Variants in SYDE2 observed in about 807,000 individuals in gnomAD.
SYDE2 encodes the protein rho GTPase-activating protein SYDE2.
SYDE2 carries 76 observed loss-of-function variants against 91.5 expected under a neutral mutation model. The observed-to-expected ratio is 0.83, with a 90% confidence interval of 0.69 to 1.01. The LOEUF is 1.01. SYDE2 is among the 50% of genes least tolerant of loss of function. The pLI, the probability that SYDE2 is intolerant of heterozygous loss-of-function variation, is 0.00. For missense variants in SYDE2, 1,364 were observed against 1,367.7 expected (o/e 1.00, Z 0.04); for synonymous variants, 513 against 506.4 (o/e 1.01, Z -0.18).
chr1:85,182,758 T>C lies in SYDE2; in HGVS notation c.1884A>G (p.Glu628=). 6.2e-7 allele frequency: 1 copy of C among 1,613,938 alleles called. No homozygotes were observed. The highest frequency in any genetic ancestry group is 8.5e-7 in the Non-Finnish European group (1 of 1,179,854). The change falls in exon 3 of 7, where the codon GAA becomes GAG. Residue 628 remains glutamate, a synonymous_variant. Transcript: ENST00000341460. ...GGYLSDGDSP[E]LTTKASKHGS... ...CATGTTTGCTAGCTTTAGTTGTAAG[T>C]TCAGGTGAGTCTCCATCACTAAGGT...
Position 85,185,442 on chromosome 1 carries a change from A to C in SYDE2, c.1442-2242T>G, listed in dbSNP as rs184599076. On this transcript the variant is annotated intron_variant, in intron 2 of 6. Transcript: ENST00000341460. The stretch of plus-strand genomic sequence containing the variant: ...TGATTCTTCCTACCCATGAGCATGG[A>C]ATGTTCTTCCATTTCTTTGTATCCT... 2.6e-5 allele frequency among the ~76,000 whole-genome samples: 4 copies of C among 151,750 alleles called. No homozygotes were observed. The East Asian group carries it at 7.7e-4, about 29-fold the overall frequency.
rs1365382984 is a variant in SYDE2, at chr1:85,158,458, A to C, written c.*292T>G. On this transcript the variant is annotated 3_prime_UTR_variant, in exon 7 of 7. Transcript: ENST00000341460. Reference sequence around the variant, plus strand: ...AGCAGAAAAACCTTGAGGGGCTAATAACTTATGTGAACCTTCTTAAGTGCA... The same window carrying C: ...AGCAGAAAAACCTTGAGGGGCTAATCACTTATGTGAACCTTCTTAAGTGCA... The C allele has an allele frequency of 2.6e-5, 7 of 273,332 alleles. No homozygotes were observed. Among genetic ancestry groups the C allele is most frequent in the Non-Finnish European group, 4.7e-5 (7 of 149,328 alleles). The allele number at this position is 273,332 out of a possible 1,614,324, so 16.9% of individuals were successfully genotyped here.
At chr1:85,195,677 G>A (rs976452191) in intron 1 of SYDE2, among the ~76,000 whole-genome samples, 2 of 152,082 alleles carry the variant, frequency 1.3e-5, no homozygotes, top group South Asian at 2.1e-4. Context: ...AAAGAAAGGA[G>A]CACAAAAGAT....
At position 85,190,323 on chromosome 1, in the gene SYDE2, G is replaced by T. The variant is rs750249573; in HGVS notation, c.1175C>A (p.Ala392Asp). Reference sequence around the variant, plus strand: ...AGGGAGCTTCAGAACAGCAGAGTCGGCCTCACCAAAACTCAAGGCACTTGA... The same window carrying T: ...AGGGAGCTTCAGAACAGCAGAGTCGTCCTCACCAAAACTCAAGGCACTTGA... Reference protein sequence around the residue: ...GISSALSFGEADSAVLKLPAV... With the variant: ...GISSALSFGEDDSAVLKLPAV... The change falls in exon 2 of 7, where the codon GCC (alanine) becomes GAC (aspartate). Residue 392 changes from alanine (A) to aspartate (D), a missense_variant. Coordinates refer to ENST00000341460, the MANE Select transcript of SYDE2 (RefSeq NM_032184.2). 1 of 1,613,864 alleles carries T rather than the reference G, an allele frequency of 6.2e-7. No homozygotes were observed. Among genetic ancestry groups the T allele is most frequent in the Non-Finnish European group, 8.5e-7 (1 of 1,179,884 alleles).
At chr1:85,172,509 G>A (rs897029500) in intron 4 of SYDE2, among the ~76,000 whole-genome samples, 1 of 152,192 alleles carries the variant, frequency 6.6e-6, no homozygotes. Context: ...AGTGTTTCTA[G>A]GCAAGATGGA....
intron 1 of SYDE2, 51 bp downstream of exon 1, chr1:85,200,201 G>T: frequency 6.2e-7 from 1 of 1,611,116 alleles, no homozygotes; most frequent in Non-Finnish European, 8.5e-7. Context: ...AAGCCCAGTC[G>T]GTAAACAGTA....
chr1:85,198,681 A>G (rs1658693306), intron 1 of SYDE2, among the ~76,000 whole-genome samples: 1 of 152,226 alleles, frequency 6.6e-6, no homozygotes, highest in Non-Finnish European at 1.5e-5. Flanking sequence ...AATGTTTACT[A>G]CTGAGGGCAT....
chr1:85,180,854 A>G (rs1029601933), intron 3 of SYDE2, among the ~76,000 whole-genome samples: 2 of 152,210 alleles, frequency 1.3e-5, no homozygotes, highest in Non-Finnish European at 2.9e-5. Context: ...ATATTCAACT[A>G]TAAAAGTTTG....
rs376527151 is a variant in SYDE2, at chr1:85,182,582, T to A, written c.2060A>T (p.Tyr687Phe). 1.2e-6 allele frequency: 2 copies of A among 1,613,942 alleles called. No individual in the cohort carries two copies. Among genetic ancestry groups the A allele is most frequent in the South Asian group, 1.1e-5 (1 of 91,078 alleles). ...YISGLMSVHF[Y>F]GAEDLKPPRI... ...AGGTGGTTTTAAATCCTCAGCACCA[T>A]AGAAATGTACACTCATGAGCCCAGA... Residue 687 changes from tyrosine (Y) to phenylalanine (F), a missense_variant, in exon 3 of 7, where the codon TAT becomes TTT. By Grantham distance (22) the Tyr-to-Phe change is conservative. Transcript: ENST00000341460.
Position 85,164,645 on chromosome 1 carries a change from T to C in SYDE2, c.2966A>G (p.Gln989Arg). 5 of 1,595,278 alleles carry C rather than the reference T, an allele frequency of 3.1e-6. No individual in the cohort carries two copies. Among genetic ancestry groups the C allele is most frequent in the Non-Finnish European group, 3.4e-6 (4 of 1,169,772 alleles). Residue 989 changes from glutamine to arginine, a missense_variant, in exon 6 of 7, where the codon CAG (glutamine) becomes CGG (arginine). Coordinates refer to ENST00000341460, the MANE Select transcript of SYDE2 (RefSeq NM_032184.2). ...AVCFGPVLLS[Q>R]RQEPSTHNNR... Reference sequence around the variant, plus strand: ...GTTATGGGTGGAAGGCTCTTGCCTCTGACTTAATAATACTGGTCCAAAGCA... The same window carrying C: ...GTTATGGGTGGAAGGCTCTTGCCTCCGACTTAATAATACTGGTCCAAAGCA...
At chr1:85,186,086 G>A (rs1176407834) in intron 2 of SYDE2, among the ~76,000 whole-genome samples, 1 of 151,672 alleles carries the variant, frequency 6.6e-6, no homozygotes, top group Non-Finnish European at 1.5e-5. Context: ...CTGTTTATAT[G>A]CTGGATTACA....
At chr1:85,196,175 T>A (rs2100695326) in intron 1 of SYDE2, among the ~76,000 whole-genome samples, 1 of 152,306 alleles carries the variant, frequency 6.6e-6, no homozygotes, top group Admixed American at 6.5e-5. Context: ...AGAGCCCAAG[T>A]GCTTTGCTCT....
At position 85,194,861 on chromosome 1, in the gene SYDE2, T is replaced by C. The variant is rs1050779851; in HGVS notation, c.746-4109A>G. On this transcript the variant is annotated intron_variant, in intron 1 of 6. Transcript: ENST00000341460. ...AAGAAATTATATATTTCAACCCTCA[T>C]TGAAAATCTGTAGTACCGGCTGGGC... The C allele has an allele frequency of 1.4e-5, 14 of 985,212 alleles. 1 individual carries two copies. Among genetic ancestry groups the C allele is most frequent in the Non-Finnish European group, 1.6e-5 (13 of 829,832 alleles). The allele number at this position is 985,212 out of a possible 1,614,324, so 61.0% of individuals were successfully genotyped here. A position where few individuals can be genotyped will look rare whatever the true frequency, so the allele number is the denominator to read the frequency against.
In SYDE2 at chr1:85,186,655, A is replaced by G. The variant is rs368479484; in HGVS notation, c.1441+3402T>C. Among the ~76,000 whole-genome samples the G allele has an allele frequency of 1.1e-4, 16 of 152,102 alleles. No homozygotes were observed. In the East Asian group the frequency reaches 2.1e-3, roughly 20 times the overall value. On this transcript the variant is annotated intron_variant, in intron 2 of 6. Coordinates refer to ENST00000341460, the MANE Select transcript of SYDE2 (RefSeq NM_032184.2). The stretch of plus-strand genomic sequence containing the variant: ...GTAACCAAAACAGCATGGTACTGGT[A>G]CCAAAACAGAGATATAGATCAATGG...
chr1:85,200,825 G>C lies in SYDE2; in HGVS notation c.172C>G (p.Gln58Glu), dbSNP rs1218493450. The part of the protein sequence containing the change: ...ERGGGGRPRQ[Q>E]VSPPRSPQRE... ...TGAGGCGACCGGGGCGGGGACACCT[G>C]CTGCCGAGGGCGTCCGCCGCCTCCC... The change falls in exon 1 of 7, where the codon CAG (glutamine) becomes GAG (glutamate). Residue 58 changes from glutamine to glutamate, a missense_variant. Physicochemically the swap from Gln to Glu is conservative, Grantham distance 29 (BLOSUM62 2). Transcript: ENST00000341460. 1.8e-5 allele frequency: 25 copies of C among 1,407,354 alleles called. No individual in the cohort carries two copies. The highest frequency in any genetic ancestry group is 3.0e-5 in the African/African-American group (2 of 65,848). The allele number at this position is 1,407,354 out of a possible 1,614,324, so 87.2% of individuals were successfully genotyped here.
chr1:85,182,446 G>C lies in SYDE2; in HGVS notation c.2196C>G (p.Phe732Leu). The change falls in exon 3 of 7, where the codon TTC becomes TTG. Residue 732 changes from phenylalanine (F) to leucine (L), a missense_variant. By Grantham distance (22) the Phe-to-Leu change is conservative. Coordinates refer to ENST00000341460, the MANE Select transcript of SYDE2 (RefSeq NM_032184.2). ...RTTFLDMDHT[F>L]NIEIENAQHL... ...GTTGTGCATTTTCAATTTCTATGTT[G>C]AAAGTGTGATCCATGTCTAAAAATG... is the stretch of plus-strand genomic sequence containing the variant. The C allele has an allele frequency of 6.2e-7, 1 of 1,613,508 alleles. No individual in the cohort carries two copies. Among genetic ancestry groups the C allele is most frequent in the Non-Finnish European group, 8.5e-7 (1 of 1,179,652 alleles).
In SYDE2 at chr1:85,168,926, A is replaced by C; in HGVS notation, c.2853+118T>G. The C allele has an allele frequency of 9.1e-6, 8 of 874,646 alleles. No homozygotes were observed. In the South Asian group the frequency reaches 1.2e-4, roughly 13 times the overall value. 54.2% of individuals were successfully genotyped at this position (874,646 alleles called of 1,614,324 possible). A position where few individuals can be genotyped will look rare whatever the true frequency, so the allele number is the denominator to read the frequency against. On this transcript the variant is annotated intron_variant, in intron 5 of 6. Transcript: ENST00000341460. ...GGCTGTTTAAAGGCAGTAATGGCAG[A>C]GCTTTTAAATCCATGAGTGCCACAA...
Position 85,200,517 on chromosome 1 carries a change from A to G in SYDE2, c.480T>C (p.Asp160=). The part of the protein sequence containing the change: ...HGCSSGSPFR[D]PAGSSVIRSG... ...TGCGTATCACAGAGGACCCCGCTGGATCCCTGAAAGGGCTTCCCGAGGAGC... is the reference window on the plus strand; with the variant it reads ...TGCGTATCACAGAGGACCCCGCTGGGTCCCTGAAAGGGCTTCCCGAGGAGC... Residue 160 remains aspartate (D), a synonymous_variant, in exon 1 of 7, where the codon GAT becomes GAC. Transcript: ENST00000341460. The G allele has an allele frequency of 6.2e-7, 1 of 1,613,482 alleles. No individual in the cohort carries two copies. Among genetic ancestry groups the G allele is most frequent in the Non-Finnish European group, 8.5e-7 (1 of 1,179,862 alleles).
chr1:85,190,335 C>T lies in SYDE2; in HGVS notation c.1163G>A (p.Ser388Asn). 1 of 1,613,960 alleles carries T rather than the reference C, an allele frequency of 6.2e-7. No homozygotes were observed. The highest frequency in any genetic ancestry group is 1.7e-5 in the Admixed American group (1 of 60,016). ...AACAGCAGAGTCGGCCTCACCAAAA[C>T]TCAAGGCACTTGATATACCAAGGTC... ...DDDLGISSALSFGEADSAVLK... is the reference protein window; with the variant it reads ...DDDLGISSALNFGEADSAVLK... Residue 388 changes from serine (S) to asparagine (N), a missense_variant, in exon 2 of 7, where the codon AGT becomes AAT. Ser to Asn is a conservative substitution (Grantham distance 46). Coordinates refer to ENST00000341460, the MANE Select transcript of SYDE2 (RefSeq NM_032184.2).
Sources: allele counts gnomAD v4.1 joint callset (sites outside exome capture counted in the v4.1 genomes callset), GRCh38; gene constraint gnomAD v4.1.1; transcripts MANE v1.5; gene names NCBI Gene and HGNC (gene_info 2026-07-23, HGNC 2026-07-21).